Variants in GABRA3 observed in about 807,000 individuals in gnomAD.
The protein encoded by GABRA3 is gamma-aminobutyric acid receptor subunit alpha-3.
Under a neutral mutation model 30.1 loss-of-function variants are expected in GABRA3, and 10 were observed. The ratio of observed to expected loss-of-function variants is 0.33; its 90% CI spans 0.20 to 0.56. The LOEUF (loss-of-function observed/expected upper bound fraction) is 0.56, where lower values mean the gene tolerates loss of function less well. GABRA3 is among the 20% of genes least tolerant of loss of function. The pLI is 0.89. For missense variants in GABRA3, 233 were observed against 392.0 expected (o/e 0.59, Z 3.42); for synonymous variants, 151 against 146.8 (o/e 1.03, Z -0.21).
intron 3 of GABRA3, among the ~76,000 whole-genome samples, chrX:152,323,223 G>A (rs780709473): frequency 1.1e-4 from 12 of 111,357 alleles, no homozygotes; most frequent in Admixed American, 1.9e-4. Flanking sequence ...TCTTTGGAGT[G>A]GGATATCATT....
chrX:152,426,253 C>G (rs777823740), intron 1 of GABRA3, among the ~76,000 whole-genome samples: 1 of 111,219 alleles, frequency 9.0e-6, no homozygotes, highest in Non-Finnish European at 1.9e-5. Context: ...TCCTCATATG[C>G]GAATAGTGGA....
intron 3 of GABRA3, among the ~76,000 whole-genome samples, chrX:152,297,079 C>A (rs1939543499): frequency 9.0e-6 from 1 of 111,419 alleles, no homozygotes; most frequent in Non-Finnish European, 1.9e-5. Flanking sequence ...AAGGAACTAC[C>A]AAAACATTTA....
At chrX:152,290,556 G>A (rs950288142) in intron 3 of GABRA3, among the ~76,000 whole-genome samples, 7 of 111,917 alleles carry the variant, frequency 6.3e-5, no homozygotes, top group Admixed American at 9.5e-5. Context: ...TGTTGCCATT[G>A]CTTTTGGTGT....
intron 3 of GABRA3, among the ~76,000 whole-genome samples, chrX:152,293,478 T>C (rs185887838): frequency 9.0e-6 from 1 of 111,463 alleles, no homozygotes; most frequent in East Asian, 2.8e-4. Context: ...GTCTCCTGAA[T>C]ACAGCACAGT....
rs60207108 is a variant in GABRA3, at chrX:152,256,016, G to GA, written c.331-19dup. 0.13 allele frequency: 150,972 copies of GA among 1,137,250 alleles called. 9,146 individuals carry two copies. The highest frequency in any genetic ancestry group is 0.43 in the African/African-American group (23,565 of 55,174). The allele number at this position is 1,137,250 out of a possible 1,213,427, so 93.7% of individuals were successfully genotyped here. On this transcript the variant is annotated intron_variant, in intron 4 of 9. Transcript: ENST00000370314. ...GTGTACTCCTAGGGGTGAAAAGAGA[G>GA]AAAACAATGTTTCAGTTGAGTTCTG... is the stretch of plus-strand genomic sequence containing the variant.
chrX:152,264,443 T>C (rs1418387108), intron 4 of GABRA3, among the ~76,000 whole-genome samples: 1 of 111,419 alleles, frequency 9.0e-6, no homozygotes. Flanking sequence ...GGGCATAAGA[T>C]AGTATTTGCA....
chrX:152,427,164 C>A (rs1930533887), intron 1 of GABRA3, among the ~76,000 whole-genome samples: 1 of 111,527 alleles, frequency 9.0e-6, no homozygotes, highest in African/African-American at 3.3e-5. Flanking sequence ...CTTTTGACTT[C>A]TTTGACAATA....
chrX:152,400,466 G>A (rs1242862003), intron 1 of GABRA3, among the ~76,000 whole-genome samples: 2 of 111,017 alleles, frequency 1.8e-5, no homozygotes, highest in Non-Finnish European at 3.8e-5. Flanking sequence ...CTGTGATCTC[G>A]CCACTGCACT....
chrX:152,338,770 T>A (rs1298991865), intron 3 of GABRA3, among the ~76,000 whole-genome samples: 1 of 112,229 alleles, frequency 8.9e-6, no homozygotes, highest in Non-Finnish European at 1.9e-5. Flanking sequence ...TTTCCCAGCA[T>A]TATTTGTTGA....
At chrX:152,275,018 T>C (rs1179068781) in intron 4 of GABRA3, among the ~76,000 whole-genome samples, 2 of 98,566 alleles carry the variant, frequency 2.0e-5, no homozygotes, top group Non-Finnish European at 4.0e-5. Context: ...GTGTGTGGCA[T>C]ATGTTTTACA....
At position 152,324,481 on chromosome X, in the gene GABRA3, A is replaced by G. The variant is rs999256366; in HGVS notation, c.262+21100T>C. ...GTATCTGAATTTCATCAAGGCACTGACAGACTATATCATGTGTCCATTATG... is the reference window on the plus strand; with the variant it reads ...GTATCTGAATTTCATCAAGGCACTGGCAGACTATATCATGTGTCCATTATG... On this transcript the variant is annotated intron_variant, in intron 3 of 9. Coordinates refer to ENST00000370314, the MANE Select transcript of GABRA3 (RefSeq NM_000808.4). Among the ~76,000 whole-genome samples the G allele has an allele frequency of 2.7e-5, 3 of 112,128 alleles. No homozygotes were observed. The Admixed American group carries it at 2.9e-4, about 11-fold the overall frequency.
At chrX:152,315,889 C>T (rs1346779624) in intron 3 of GABRA3, among the ~76,000 whole-genome samples, 1 of 105,376 alleles carries the variant, frequency 9.5e-6, no homozygotes, top group Non-Finnish European at 2.0e-5. Context: ...AACCCTGCCC[C>T]CAGCTGATGG....
At chrX:152,247,014 C>G (rs779994662) in intron 5 of GABRA3, among the ~76,000 whole-genome samples, 2 of 111,872 alleles carry the variant, frequency 1.8e-5, no homozygotes, top group South Asian at 3.7e-4. Context: ...CCATTTGCAT[C>G]TAAATAAGTA....
At chrX:152,237,249 G>A (rs1284999986) in intron 5 of GABRA3, among the ~76,000 whole-genome samples, 1 of 110,756 alleles carries the variant, frequency 9.0e-6, no homozygotes, top group East Asian at 2.9e-4. Context: ...TTATTAAATA[G>A]GGAATCCTTT....
intron 4 of GABRA3, among the ~76,000 whole-genome samples, chrX:152,266,509 C>G (rs1002910411): frequency 9.0e-6 from 1 of 111,365 alleles, no homozygotes; most frequent in African/African-American, 3.3e-5. Flanking sequence ...ATTCTATAGC[C>G]AAACTTAGAT....
At chrX:152,369,942 T>C (rs1928788531) in intron 1 of GABRA3, among the ~76,000 whole-genome samples, 1 of 111,632 alleles carries the variant, frequency 9.0e-6, no homozygotes, top group African/African-American at 3.3e-5. Flanking sequence ...GGATAAGGTG[T>C]AGGATGGGCT....
chrX:152,359,267 C>A (rs751035122), intron 2 of GABRA3, among the ~76,000 whole-genome samples: 47 of 111,130 alleles, frequency 4.2e-4, no homozygotes, highest in African/African-American at 1.5e-3. Context: ...GATTCAATTT[C>A]TTCCTGGTTC....
chrX:152,359,658 G>T, intron 2 of GABRA3, among the ~76,000 whole-genome samples: 1 of 110,830 alleles, frequency 9.0e-6, no homozygotes, highest in East Asian at 2.9e-4. Flanking sequence ...TTGTTAATTT[G>T]AGATCTGTGT....
rs1256600162 is a variant in GABRA3 at position 152,265,754 on chromosome X, A to T, written c.331-9756T>A. Among the ~76,000 whole-genome samples, 3 of 111,593 alleles carry T rather than the reference A, an allele frequency of 2.7e-5. No homozygotes were observed. The East Asian group carries it at 8.4e-4, about 31-fold the overall frequency. ...ACTTGATAAACCTTTAGCCAGACTA[A>T]GAAGAAAAGAGAGAATAATGAAATA... On this transcript the variant is annotated intron_variant, in intron 4 of 9. Coordinates refer to ENST00000370314, the MANE Select transcript of GABRA3 (RefSeq NM_000808.4).
Sources: allele counts gnomAD v4.1 joint callset (sites outside exome capture counted in the v4.1 genomes callset), GRCh38; gene constraint gnomAD v4.1.1; transcripts MANE v1.5; gene names NCBI Gene and HGNC (gene_info 2026-07-23, HGNC 2026-07-21).